Variants in TAFA2 observed in about 807,000 individuals in gnomAD.
The protein encoded by TAFA2 is chemokine-like protein TAFA-2.
In TAFA2, 7 loss-of-function variants were observed where a neutral mutation model predicts 18.8. That is an observed-to-expected ratio of 0.37 (90% CI 0.21 to 0.70). TAFA2 has a LOEUF of 0.70. TAFA2 is among the 30% of genes least tolerant of loss of function. The probability of loss-of-function intolerance (pLI) is 0.53; values close to 1 mark genes in which losing one functional copy is unlikely to be tolerated. For synonymous variants in TAFA2, 60 were observed against 54.2 expected (o/e 1.11, Z -0.47); for missense variants, 122 against 158.1 (o/e 0.77, Z 1.23).
upstream of TAFA2, among the ~76,000 whole-genome samples, chr12:62,196,387 T>C (rs1438363117): frequency 1.3e-5 from 2 of 152,242 alleles, no homozygotes; most frequent in Non-Finnish European, 2.9e-5. Flanking sequence ...CCTAGCAGTT[T>C]GGCTCAAGAG....
At chr12:62,078,417 A>AAAG (rs906241570) in intron 1 of TAFA2, among the ~76,000 whole-genome samples, 3 of 4,048 alleles carry the variant, frequency 7.4e-4, no homozygotes, top group African/African-American at 2.5e-3. Context: ...GTATAATTGG[A>AAAG]AAAAAAAAAA....
intron 1 of TAFA2, among the ~76,000 whole-genome samples, chr12:61,947,596 G>C (rs1351144465): frequency 6.7e-6 from 1 of 149,746 alleles, no homozygotes. Flanking sequence ...CTCTTCATTC[G>C]GTCAGTTTGT....
At chr12:61,913,403 C>A (rs916097216) in intron 1 of TAFA2, among the ~76,000 whole-genome samples, 1 of 152,106 alleles carries the variant, frequency 6.6e-6, no homozygotes, top group African/African-American at 2.4e-5. Flanking sequence ...ACCCAATAAT[C>A]CCTGAAGGTA....
chr12:62,259,776 G>A (rs888632308), upstream of TAFA2: 2 of 152,776 alleles, frequency 1.3e-5, no homozygotes, highest in Non-Finnish European at 2.9e-5. Context: ...TGCCTGGGGA[G>A]GCGTCACAAA....
intron 2 of TAFA2, among the ~76,000 whole-genome samples, chr12:61,842,369 G>T (rs1873222424): frequency 6.6e-6 from 1 of 151,696 alleles, no homozygotes; most frequent in African/African-American, 2.4e-5. Context: ...AGATCAGCAT[G>T]TTTTTTTATT....
intron 1 of TAFA2, among the ~76,000 whole-genome samples, chr12:62,146,789 C>A (rs2062284608): frequency 6.6e-6 from 1 of 152,098 alleles, no homozygotes; most frequent in South Asian, 2.1e-4. Flanking sequence ...TGGAATACAC[C>A]TGATAAAAAT....
intron 1 of TAFA2, among the ~76,000 whole-genome samples, chr12:61,962,047 C>T (rs144947880): frequency 1.1e-3 from 160 of 152,042 alleles, no homozygotes; most frequent in African/African-American, 3.6e-3. Context: ...TGATTTACAA[C>T]AATACTTTCA....
intron 1 of TAFA2, among the ~76,000 whole-genome samples, chr12:62,076,499 G>A (rs1434425717): frequency 6.6e-6 from 1 of 151,954 alleles, no homozygotes; most frequent in African/African-American, 2.4e-5. Flanking sequence ...TTTTCTTTAG[G>A]GTTTTCAATT....
At chr12:62,243,347 T>C (rs1475240467) in intron 1 of TAFA2, among the ~76,000 whole-genome samples, 2 of 152,354 alleles carry the variant, frequency 1.3e-5, no homozygotes, top group African/African-American at 4.8e-5. Context: ...AACTGCCTAA[T>C]TACATATTTA....
At chr12:61,826,182 G>A (rs1253570756) in intron 2 of TAFA2, among the ~76,000 whole-genome samples, 1 of 151,978 alleles carries the variant, frequency 6.6e-6, no homozygotes, top group Non-Finnish European at 1.5e-5. Context: ...CCTATAATTT[G>A]CTTTTGTTTT....
intron 1 of TAFA2, among the ~76,000 whole-genome samples, chr12:62,139,274 G>A (rs973841371): frequency 1.3e-5 from 2 of 152,066 alleles, no homozygotes; most frequent in East Asian, 3.8e-4. Flanking sequence ...TCACAAACAG[G>A]GCTTCCAGCA....
intron 1 of TAFA2, among the ~76,000 whole-genome samples, chr12:61,874,526 TC>T (rs1476411839): frequency 6.6e-6 from 1 of 152,096 alleles, no homozygotes; most frequent in Non-Finnish European, 1.5e-5. Flanking sequence ...TTCATTCATT[TC>T]CCCACAATAC....
At chr12:62,027,016 C>A (rs1253927643) in intron 1 of TAFA2, among the ~76,000 whole-genome samples, 1 of 152,080 alleles carries the variant, frequency 6.6e-6, no homozygotes, top group Non-Finnish European at 1.5e-5. Context: ...AATAATGACT[C>A]TCCCATGGGT....
chr12:62,209,270 A>G (rs1318593564), intron 1 of TAFA2, among the ~76,000 whole-genome samples: 3 of 152,192 alleles, frequency 2.0e-5, no homozygotes, highest in African/African-American at 7.2e-5. Flanking sequence ...CATTCTCATA[A>G]TAGTGAGTAA....
intron 1 of TAFA2, among the ~76,000 whole-genome samples, chr12:62,092,093 G>A (rs540032924): frequency 1.1e-3 from 174 of 151,970 alleles, no homozygotes; most frequent in African/African-American, 3.7e-3. Context: ...TGATAATATA[G>A]ATAACCAGTC....
At chr12:61,907,483 A>T (rs1052877434) in intron 1 of TAFA2, among the ~76,000 whole-genome samples, 2 of 152,176 alleles carry the variant, frequency 1.3e-5, no homozygotes, top group Non-Finnish European at 2.9e-5. Flanking sequence ...ACCTCCACCT[A>T]GATTTCAGAA....
In TAFA2 at chr12:62,021,658, T is replaced by C. The variant is rs775166454; in HGVS notation, c.-1-154232A>G. The C allele has an allele frequency of 2.8e-5, 37 of 1,302,936 alleles. 1 individual carries two copies. Among genetic ancestry groups the C allele is most frequent in the Middle Eastern group, 2.5e-4 (1 of 3,946 alleles). The allele number at this position is 1,302,936 out of a possible 1,614,324, so 80.7% of individuals were successfully genotyped here. On this transcript the variant is annotated intron_variant, in intron 1 of 4. Transcript: ENST00000416284. ...GGGGTGGTGTGCAGTATCTCATCTT[T>C]GGGTTCCACGATGCTCACGTGGTCA...
At chr12:61,741,975 T>C (rs114374805) in intron 4 of TAFA2, among the ~76,000 whole-genome samples, 3,059 of 152,136 alleles carry the variant, frequency 0.02, 116 homozygotes, top group African/African-American at 0.07. Context: ...CAGCTCACTG[T>C]AGCCTCCACC....
intron 1 of TAFA2, among the ~76,000 whole-genome samples, chr12:61,918,158 C>A (rs1032220352): frequency 6.6e-6 from 1 of 151,988 alleles, no homozygotes; most frequent in African/African-American, 2.4e-5. Context: ...CTTTGTGTTT[C>A]AAACAATCAA....
Sources: allele counts gnomAD v4.1 joint callset (sites outside exome capture counted in the v4.1 genomes callset), GRCh38; gene constraint gnomAD v4.1.1; transcripts MANE v1.5; gene names NCBI Gene and HGNC (gene_info 2026-07-23, HGNC 2026-07-21).